NTM: variants seen among roughly 807,000 people sequenced by gnomAD.
The protein encoded by NTM is neurotrimin, also known as IgLON family member 2.
NTM carries 13 observed loss-of-function variants against 42.1 expected under a neutral mutation model. The ratio of observed to expected loss-of-function variants is 0.31; its 90% CI spans 0.20 to 0.49. NTM has a LOEUF of 0.49. Among genes scored for constraint, NTM ranks in the 20% least tolerant of loss-of-function variants. The pLI, the probability that NTM is intolerant of heterozygous loss-of-function variation, is 0.99. For synonymous variants in NTM, 187 were observed against 179.2 expected (o/e 1.04, Z -0.35); for missense variants, 373 against 452.8 (o/e 0.82, Z 1.60).
At chr11:131,764,660 T>A (rs1056849468) in intron 1 of NTM, among the ~76,000 whole-genome samples, 1 of 152,210 alleles carries the variant, frequency 6.6e-6, no homozygotes, top group South Asian at 2.1e-4. Context: ...GCAAGACTAT[T>A]GTGAGAATTA....
chr11:132,174,382 A>G (rs1310396862), intron 3 of NTM, among the ~76,000 whole-genome samples: 3 of 152,232 alleles, frequency 2.0e-5, no homozygotes, highest in Non-Finnish European at 2.9e-5. Flanking sequence ...CCCTGTACTT[A>G]TGTGATGCAT....
intron 1 of NTM, among the ~76,000 whole-genome samples, chr11:131,473,604 T>C (rs1350014398): frequency 6.6e-6 from 1 of 152,010 alleles, no homozygotes. Context: ...AGCTGCAAGG[T>C]TTTTGAGAAG....
intron 1 of NTM, among the ~76,000 whole-genome samples, chr11:131,673,312 A>T (rs937731225): frequency 2.0e-5 from 3 of 152,014 alleles, no homozygotes; most frequent in Non-Finnish European, 4.4e-5. Flanking sequence ...GTCCATTTCC[A>T]CTAACTTTGT....
chr11:131,759,908 G>A lies in NTM; in HGVS notation c.83-151656G>A, dbSNP rs565479248. Reference sequence around the variant, plus strand: ...TAAGGTATTCTTCACAGGAGGGAGAGAACGATGTGAGAGTGTTAATGAAAA... The same window carrying A: ...TAAGGTATTCTTCACAGGAGGGAGAAAACGATGTGAGAGTGTTAATGAAAA... On this transcript the variant is annotated intron_variant, in intron 1 of 8. Transcript: ENST00000683400. Among the ~76,000 whole-genome samples, 9 of 152,064 alleles carry A rather than the reference G, an allele frequency of 5.9e-5. No individual in the cohort carries two copies. In the South Asian group the frequency reaches 1.9e-3, roughly 32 times the overall value.
intron 1 of NTM, among the ~76,000 whole-genome samples, chr11:131,570,300 C>T (rs2057329026): frequency 6.6e-6 from 1 of 152,204 alleles, no homozygotes; most frequent in South Asian, 2.1e-4. Flanking sequence ...CTTTGTAAAG[C>T]TCTAACTGTC....
At chr11:131,763,265 T>C (rs998976577) in intron 1 of NTM, among the ~76,000 whole-genome samples, 6 of 152,194 alleles carry the variant, frequency 3.9e-5, no homozygotes, top group African/African-American at 1.2e-4. Flanking sequence ...TTCCAAATAT[T>C]TGGATATGTT....
At chr11:131,697,575 A>C (rs1241688012) in intron 1 of NTM, among the ~76,000 whole-genome samples, 2 of 152,000 alleles carry the variant, frequency 1.3e-5, no homozygotes, top group African/African-American at 4.8e-5. Flanking sequence ...ACTTTCCGGG[A>C]TTTATCTTCC....
At chr11:132,278,566 A>G (rs3133877) in intron 4 of NTM, among the ~76,000 whole-genome samples, 28,032 of 152,070 alleles carry the variant, frequency 0.18, 3,380 homozygotes, top group Middle Eastern at 0.33. Flanking sequence ...AAGAGACACA[A>G]GTGGAATGCA....
chr11:131,370,965 C>T lies in NTM; in HGVS notation c.82+77C>T, dbSNP rs151060470. 706 of 1,595,832 alleles carry T rather than the reference C, an allele frequency of 4.4e-4. 4 individuals carry two copies. In the African/African-American group the frequency reaches 7.6e-3, roughly 17 times the overall value. On this transcript the variant is annotated intron_variant, in intron 1 of 8. Transcript: ENST00000683400. Reference sequence around the variant, plus strand: ...TGCTTTATAAGATTTGCAGACTCCCCGAGTCGGCTGTGCTGCGCTGTTTGC... The same window carrying T: ...TGCTTTATAAGATTTGCAGACTCCCTGAGTCGGCTGTGCTGCGCTGTTTGC...
chr11:131,774,076 T>C (rs2086576943), intron 1 of NTM: 1 of 984,750 alleles, frequency 1.0e-6, no homozygotes, highest in Non-Finnish European at 1.2e-6. Context: ...TCCAATGTTG[T>C]TCCAAAATTG....
chr11:132,142,320 T>A (rs2069352191), intron 2 of NTM, among the ~76,000 whole-genome samples: 1 of 152,146 alleles, frequency 6.6e-6, no homozygotes, highest in East Asian at 1.9e-4. Context: ...TCTGACTTAA[T>A]CACCAGTTAA....
intron 1 of NTM, among the ~76,000 whole-genome samples, chr11:131,503,238 A>G (rs1363609428): frequency 2.0e-5 from 3 of 152,190 alleles, no homozygotes; most frequent in Admixed American, 2.0e-4. Context: ...GTGGAGGACT[A>G]TGCAATCCTG....
Position 132,039,438 on chromosome 11 carries a change from A to G in NTM, c.168-106844A>G, listed in dbSNP as rs540873154. ...TAATTTTTTTTTTTTTTTTTTTTTT[A>G]GAAAGACAGGGTCTTACAATGATGC... On this transcript the variant is annotated intron_variant, in intron 2 of 8. Transcript: ENST00000683400. Among the ~76,000 whole-genome samples the G allele has an allele frequency of 9.8e-5, 11 of 111,884 alleles. No homozygotes were observed. The East Asian group carries it at 2.7e-3, about 28-fold the overall frequency. The allele number at this position is 111,884 out of a possible 152,430, so 73.4% of individuals were successfully genotyped here.
intron 1 of NTM, among the ~76,000 whole-genome samples, chr11:131,782,438 AT>A (rs2088332866): frequency 6.6e-6 from 1 of 152,210 alleles, no homozygotes; most frequent in South Asian, 2.1e-4. Context: ...GGAGGAAATA[AT>A]AACAAATCTA....
rs2090447945 is a variant in NTM at position 131,789,628 on chromosome 11, GAAGAAGAA to G, written c.83-121927_83-121920del. On this transcript the variant is annotated intron_variant, in intron 1 of 8. Transcript: ENST00000683400. Reference sequence around the variant, plus strand: ...AGAAGAAGAAGAAGAAGAAGAAGAAGAAGAAGAAAAGAAGAAGAAGAAGAAGAAGAAGA... The same window carrying G: ...AGAAGAAGAAGAAGAAGAAGAAGAAGAAGAAGAAGAAGAAGAAGAAGAAGA... 3.8e-4 allele frequency among the ~76,000 whole-genome samples: 32 copies of G among 85,164 alleles called. 7 individuals are homozygous for G. The highest frequency in any genetic ancestry group is 1.9e-3 in the South Asian group (6 of 3,084). The allele number at this position is 85,164 out of a possible 152,430, so 55.9% of individuals were successfully genotyped here.
intron 1 of NTM, among the ~76,000 whole-genome samples, chr11:131,489,375 C>A (rs752207762): frequency 1.3e-5 from 2 of 152,312 alleles, no homozygotes; most frequent in Non-Finnish European, 2.9e-5. Context: ...CATGATAATT[C>A]TCTTTAAAAT....
chr11:131,516,173 A>G (rs571627919), intron 1 of NTM, among the ~76,000 whole-genome samples: 100 of 152,328 alleles, frequency 6.6e-4, no homozygotes, highest in African/African-American at 2.3e-3. Flanking sequence ...TAATTTCTCA[A>G]AGTGCTTTTA....
chr11:132,286,126 C>T (rs1361091899), intron 4 of NTM, among the ~76,000 whole-genome samples: 1 of 152,176 alleles, frequency 6.6e-6, no homozygotes, highest in Non-Finnish European at 1.5e-5. Flanking sequence ...CTAATATCCA[C>T]ACAGTGGAGT....
chr11:131,578,447 G>A (rs989130497), intron 1 of NTM, among the ~76,000 whole-genome samples: 1 of 152,162 alleles, frequency 6.6e-6, no homozygotes, highest in Non-Finnish European at 1.5e-5. Flanking sequence ...GGACAAGGTG[G>A]ATACCACAGG....
Sources: gnomAD v4.1 joint callset for allele counts (sites outside exome capture counted in the v4.1 genomes callset) on GRCh38, gnomAD v4.1.1 for gene constraint, MANE v1.5 for transcripts, NCBI Gene and HGNC (gene_info 2026-07-23, HGNC 2026-07-21) for gene names.